Variants in PALD1 observed in about 807,000 individuals in gnomAD.
The protein encoded by PALD1 is phosphatase domain containing paladin 1.
PALD1 carries 57 observed loss-of-function variants against 96.0 expected under a neutral mutation model. The ratio of observed to expected loss-of-function variants is 0.59; its 90% CI spans 0.48 to 0.74. The LOEUF (loss-of-function observed/expected upper bound fraction) is 0.74, where lower values mean the gene tolerates loss of function less well. Among genes scored for constraint, PALD1 ranks in the 30% least tolerant of loss-of-function variants. The probability of loss-of-function intolerance (pLI) is 0.00; values close to 1 mark genes in which losing one functional copy is unlikely to be tolerated. For synonymous variants in PALD1, 464 were observed against 473.6 expected, an observed-to-expected ratio of 0.98 and a Z score of 0.26; for missense variants, 1,063 against 1,143.7, an observed-to-expected ratio of 0.93 and a Z score of 1.02.
chr10:70,544,176 C>T (rs1489297788), intron 17 of PALD1, among the ~76,000 whole-genome samples: 1 of 152,132 alleles, frequency 6.6e-6, no homozygotes, highest in African/African-American at 2.4e-5. Flanking sequence ...CCTGAGAGGA[C>T]TTCATAGAGG....
chr10:70,487,491 T>C lies in PALD1; in HGVS notation c.-30+8432T>C, dbSNP rs184778108. ...AACATTTCCCCCTGCCTATCTTCAA[T>C]GTTTTTTTTTTAAACTGAGGTGAAA... On this transcript the variant is annotated intron_variant, in intron 1 of 19. Coordinates refer to ENST00000263563, the MANE Select transcript of PALD1 (RefSeq NM_014431.3). 4.2e-3 allele frequency among the ~76,000 whole-genome samples: 644 copies of C among 151,702 alleles called. 2 individuals are homozygous for C. The highest frequency in any genetic ancestry group is 4.7e-3 in the African/African-American group (194 of 41,148).
intron 1 of PALD1, among the ~76,000 whole-genome samples, chr10:70,509,800 G>C (rs968404526): frequency 6.6e-6 from 1 of 152,176 alleles, no homozygotes; most frequent in Non-Finnish European, 1.5e-5. Context: ...GTTGGGTCTG[G>C]GGGCAGGAAG....
the PALD1 span, among the ~76,000 whole-genome samples, chr10:70,473,397 T>C: frequency 6.6e-6 from 1 of 152,220 alleles, no homozygotes; most frequent in South Asian, 2.1e-4. Flanking sequence ...CACATGGAGC[T>C]TGGATGCTTG....
intron 1 of PALD1, among the ~76,000 whole-genome samples, chr10:70,502,124 CCCT>C (rs1265108430): frequency 6.6e-6 from 1 of 152,090 alleles, no homozygotes; most frequent in Non-Finnish European, 1.5e-5. Flanking sequence ...CATAGTGAGA[CCCT>C]CATCTCTACA....
chr10:70,468,337 G>A, the PALD1 span, among the ~76,000 whole-genome samples: 12,670 of 151,594 alleles, frequency 0.084, 1,123 homozygotes, highest in East Asian at 0.48. Flanking sequence ...TTCACCTCCC[G>A]GGTTCAAACG....
intron 1 of PALD1, among the ~76,000 whole-genome samples, chr10:70,513,058 A>C (rs9665313): frequency 0.67 from 102,375 of 152,200 alleles, 34,775 homozygotes; most frequent in Middle Eastern, 0.78. Context: ...AGTGAGGATG[A>C]ATCCTCTGGG....
intron 17 of PALD1, among the ~76,000 whole-genome samples, chr10:70,545,527 A>C (rs1241606710): frequency 6.6e-6 from 1 of 152,024 alleles, no homozygotes. Context: ...CCTGTGGGGG[A>C]AAAGCCATAG....
chr10:70,525,121 C>G (rs553658903), intron 1 of PALD1, among the ~76,000 whole-genome samples: 1 of 152,170 alleles, frequency 6.6e-6, no homozygotes, highest in South Asian at 2.1e-4. Flanking sequence ...CGTGCCTCAG[C>G]CTCCTGAGTA....
intron 18 of PALD1, among the ~76,000 whole-genome samples, chr10:70,549,921 C>T (rs1219205625): frequency 6.6e-6 from 1 of 152,158 alleles, no homozygotes; most frequent in African/African-American, 2.4e-5. Context: ...ACCAGGTCAC[C>T]CACCCCCTTT....
intron 1 of PALD1, among the ~76,000 whole-genome samples, chr10:70,491,955 TG>T (rs1424860546): frequency 6.6e-6 from 1 of 152,236 alleles, no homozygotes; most frequent in African/African-American, 2.4e-5. Context: ...AACTTTCCAT[TG>T]TATGGATAGG....
chr10:70,532,693 C>A lies in PALD1; in HGVS notation c.706C>A (p.Pro236Thr), dbSNP rs191087909. 8.1e-6 allele frequency: 13 copies of A among 1,614,124 alleles called. No individual in the cohort carries two copies. In the Admixed American group the frequency reaches 1.5e-4, roughly 19 times the overall value. The stretch of plus-strand genomic sequence containing the variant: ...TAACACCGAGGACCTGTGGGGGGAG[C>A]CCCATGCTGTGGCCATCCATGGTGA... ...YHNTEDLWGE[P>T]HAVAIHGEDD... Residue 236 changes from proline (P) to threonine (T), a missense_variant, in exon 6 of 20, where the codon CCC becomes ACC. Transcript: ENST00000263563.
the PALD1 span, among the ~76,000 whole-genome samples, chr10:70,472,343 C>T: frequency 6.6e-6 from 1 of 152,174 alleles, no homozygotes; most frequent in African/African-American, 2.4e-5. Context: ...TCACTGCAAC[C>T]TCTACCTCCC....
the PALD1 span, among the ~76,000 whole-genome samples, chr10:70,460,241 C>T: frequency 6.6e-6 from 1 of 152,158 alleles, no homozygotes; most frequent in Non-Finnish European, 1.5e-5. Context: ...TTCGACTTCT[C>T]TTCTCCCCTG....
chr10:70,534,988 G>C, intron 10 of PALD1, 145 bp downstream of exon 10: 1 of 649,284 alleles, frequency 1.5e-6, no homozygotes, highest in Non-Finnish European at 2.8e-6. Context: ...CAGAGGAAGG[G>C]GAGATAGGGG....
At chr10:70,474,430 G>T (rs776012895), upstream of PALD1, among the ~76,000 whole-genome samples, 1 of 151,988 alleles carries the variant, frequency 6.6e-6, no homozygotes, top group Non-Finnish European at 1.5e-5. Flanking sequence ...GCGTGGTGGC[G>T]GGCGCCTGTA....
chr10:70,486,843 G>A (rs956531059), intron 1 of PALD1, among the ~76,000 whole-genome samples: 4 of 152,160 alleles, frequency 2.6e-5, no homozygotes, highest in African/African-American at 7.2e-5. Flanking sequence ...ATCATCTGCC[G>A]GTGTGCTCCC....
chr10:70,511,217 A>C (rs1427086780), intron 1 of PALD1, among the ~76,000 whole-genome samples: 1 of 152,188 alleles, frequency 6.6e-6, no homozygotes, highest in African/African-American at 2.4e-5. Flanking sequence ...GGAAAAGCCA[A>C]ATAACAGTGG....
chr10:70,563,273 C>T lies in PALD1; in HGVS notation c.2263-1091C>T, dbSNP rs376983782. Among the ~76,000 whole-genome samples, 15 of 152,300 alleles carry T rather than the reference C, an allele frequency of 9.8e-5. No homozygotes were observed. In the East Asian group the frequency reaches 1.9e-3, roughly 20 times the overall value. On this transcript the variant is annotated intron_variant, in intron 18 of 19. Coordinates refer to ENST00000263563, the MANE Select transcript of PALD1 (RefSeq NM_014431.3). ...CGTCTTGTCCCTCCTCATCCTCCCT[C>T]CAGCCAGGCCAGCCCCTCTCAGCCC...
upstream of PALD1, among the ~76,000 whole-genome samples, chr10:70,473,795 G>A (rs530647501): frequency 1.6e-4 from 24 of 152,148 alleles, no homozygotes; most frequent in Non-Finnish European, 2.9e-4. Context: ...ACAGGCGCAC[G>A]CCACTATGCC....
Sources: gnomAD v4.1 joint callset for allele counts (sites outside exome capture counted in the v4.1 genomes callset) on GRCh38, gnomAD v4.1.1 for gene constraint, MANE v1.5 for transcripts, NCBI Gene and HGNC (gene_info 2026-07-23, HGNC 2026-07-21) for gene names.